The following TAFA1 variants were observed in gnomAD, a reference collection of about 807,000 sequenced individuals.
The protein encoded by TAFA1 is TAFA chemokine like family member 1, also known as chemokine-like protein TAFA-1.
Under a neutral mutation model 18.5 loss-of-function variants are expected in TAFA1, and 4 were observed. The observed-to-expected ratio is 0.22, with a 90% CI of 0.11 to 0.49. The LOEUF is 0.49. Among genes scored for constraint, TAFA1 ranks in the 20% least tolerant of loss-of-function variants. The probability of loss-of-function intolerance (pLI) is 0.98; values close to 1 mark genes in which losing one functional copy is unlikely to be tolerated. For missense variants in TAFA1, 147 were observed against 169.0 expected (o/e 0.87, Z 0.72); for synonymous variants, 56 against 55.2 (o/e 1.01, Z -0.06).
At chr3:68,531,320 G>T (rs1007682026) in intron 3 of TAFA1, among the ~76,000 whole-genome samples, 3 of 152,076 alleles carry the variant, frequency 2.0e-5, no homozygotes, top group African/African-American at 7.3e-5. Context: ...TTTTAGAGCA[G>T]AGGTGAAAGT....
chr3:68,314,953 T>C (rs2068583507), intron 2 of TAFA1, among the ~76,000 whole-genome samples: 1 of 149,076 alleles, frequency 6.7e-6, no homozygotes, highest in African/African-American at 2.4e-5. Flanking sequence ...TATCACTATA[T>C]AACATTGAAT....
chr3:68,339,825 G>A (rs892781753), intron 2 of TAFA1, among the ~76,000 whole-genome samples: 1 of 152,138 alleles, frequency 6.6e-6, no homozygotes, highest in Admixed American at 6.6e-5. Context: ...AGAGAGGGGT[G>A]GAGGGGCTAT....
intron 2 of TAFA1, among the ~76,000 whole-genome samples, chr3:68,392,176 CAAAAA>C (rs57440480): frequency 2.7e-4 from 30 of 109,294 alleles, no homozygotes; most frequent in Non-Finnish European, 3.1e-4. Flanking sequence ...TTTAGGAAAG[CAAAAA>C]AAAAAAAAAA....
At chr3:68,299,393 C>A (rs1299338283) in intron 2 of TAFA1, among the ~76,000 whole-genome samples, 1 of 152,168 alleles carries the variant, frequency 6.6e-6, no homozygotes, top group African/African-American at 2.4e-5. Context: ...AATTTCTAAG[C>A]AGCAAAGAGT....
chr3:68,236,292 C>G (rs2066926381), intron 2 of TAFA1, among the ~76,000 whole-genome samples: 1 of 152,134 alleles, frequency 6.6e-6, no homozygotes, highest in South Asian at 2.1e-4. Context: ...TTGTTAAACT[C>G]AAAAATTATT....
chr3:68,186,166 C>T (rs955863292), intron 2 of TAFA1, among the ~76,000 whole-genome samples: 14 of 151,976 alleles, frequency 9.2e-5, no homozygotes, highest in East Asian at 1.9e-4. Context: ...GGTGTGCTAG[C>T]GAATATCATC....
At chr3:68,246,948 C>T (rs959251961) in intron 2 of TAFA1, 2 of 152,114 alleles carry the variant, frequency 1.3e-5, no homozygotes, top group East Asian at 1.9e-4. Context: ...ATTCTTGGTG[C>T]CTCAATTTCT....
chr3:68,535,696 G>A (rs2073268664), intron 3 of TAFA1, among the ~76,000 whole-genome samples: 1 of 152,136 alleles, frequency 6.6e-6, no homozygotes, highest in Non-Finnish European at 1.5e-5. Context: ...AAAGGGAAGA[G>A]CCTGAAGCAC....
intron 2 of TAFA1, among the ~76,000 whole-genome samples, chr3:68,181,090 A>T (rs1415954672): frequency 6.6e-6 from 1 of 152,114 alleles, no homozygotes; most frequent in Non-Finnish European, 1.5e-5. Flanking sequence ...GGTCCAACAA[A>T]CTACAAGGAA....
At chr3:68,139,108 T>A (rs1426665155) in intron 2 of TAFA1, among the ~76,000 whole-genome samples, 5 of 152,236 alleles carry the variant, frequency 3.3e-5, no homozygotes, top group Admixed American at 2.6e-4. Context: ...AACACCAACA[T>A]ACTCTAATTA....
At chr3:68,076,082 A>G (rs1338483220) in intron 2 of TAFA1, among the ~76,000 whole-genome samples, 7 of 152,178 alleles carry the variant, frequency 4.6e-5, no homozygotes, top group Non-Finnish European at 7.4e-5. Flanking sequence ...AGCATCACAG[A>G]AATGTGGTTT....
At chr3:68,164,630 C>CGTGTGT (rs1306831109) in intron 2 of TAFA1, among the ~76,000 whole-genome samples, 61,963 of 146,430 alleles carry the variant, frequency 0.42, 13,257 homozygotes, top group Admixed American at 0.51. Flanking sequence ...CCTTTTGCAA[C>CGTGTGT]GTGTGTGTGT....
chr3:68,263,666 G>A (rs933227398), intron 2 of TAFA1, among the ~76,000 whole-genome samples: 6 of 151,802 alleles, frequency 4.0e-5, no homozygotes, highest in East Asian at 1.9e-4. Context: ...GGCGGGGGGC[G>A]GTCAGGACTC....
intron 2 of TAFA1, among the ~76,000 whole-genome samples, chr3:68,104,723 T>C (rs1011676508): frequency 2.0e-5 from 3 of 152,124 alleles, no homozygotes; most frequent in Non-Finnish European, 1.5e-5. Context: ...ACACATTGTT[T>C]ATGGCTGCTT....
intron 2 of TAFA1, among the ~76,000 whole-genome samples, chr3:68,066,664 A>G (rs2064682655): frequency 6.6e-6 from 1 of 152,196 alleles, no homozygotes; most frequent in South Asian, 2.1e-4. Flanking sequence ...ATATTTCATG[A>G]GAGGAGCTGA....
intron 3 of TAFA1, among the ~76,000 whole-genome samples, chr3:68,529,178 G>A (rs966342358): frequency 6.6e-6 from 1 of 151,848 alleles, no homozygotes; most frequent in African/African-American, 2.4e-5. Context: ...TGATTGGAGT[G>A]AAAGCTAAGA....
chr3:68,289,198 A>G (rs184519580), intron 2 of TAFA1, among the ~76,000 whole-genome samples: 137 of 152,312 alleles, frequency 9.0e-4, no homozygotes, highest in Admixed American at 2.9e-3. Flanking sequence ...CAGTCTTTAC[A>G]TATGTTGCAT....
At chr3:68,209,839 A>G (rs1051861795) in intron 2 of TAFA1, among the ~76,000 whole-genome samples, 4 of 152,172 alleles carry the variant, frequency 2.6e-5, no homozygotes, top group Non-Finnish European at 4.4e-5. Context: ...CACAATTTAT[A>G]TATACTTCAT....
At chr3:68,030,498 A>T (rs921409778) in intron 2 of TAFA1, among the ~76,000 whole-genome samples, 2 of 151,994 alleles carry the variant, frequency 1.3e-5, no homozygotes, top group African/African-American at 4.8e-5. Context: ...CCCACTTATG[A>T]GTGAGAACAT....
Sources: gnomAD v4.1 joint callset for allele counts (sites outside exome capture counted in the v4.1 genomes callset) on GRCh38, gnomAD v4.1.1 for gene constraint, MANE v1.5 for transcripts, NCBI Gene and HGNC (gene_info 2026-07-23, HGNC 2026-07-21) for gene names.